The following ARHGAP24 variants were observed in gnomAD, a reference collection of about 807,000 sequenced individuals.
ARHGAP24 encodes rho GTPase-activating protein 24.
A neutral mutation model predicts 76.4 loss-of-function variants in ARHGAP24; 50 were observed. The observed-to-expected ratio is 0.65, with a 90% CI of 0.52 to 0.83. The LOEUF is 0.83. Ranked by LOEUF, ARHGAP24 falls within the 40% of genes least tolerant of loss-of-function variation. ARHGAP24 has a pLI of 0.00. For missense variants in ARHGAP24, 930 were observed against 914.2 expected (o/e 1.02, Z -0.22); for synonymous variants, 345 against 323.3 (o/e 1.07, Z -0.72).
intron 1 of ARHGAP24, among the ~76,000 whole-genome samples, chr4:85,476,291 T>C (rs1282544105): frequency 6.6e-6 from 1 of 152,072 alleles, no homozygotes. Context: ...TACTCTGAAT[T>C]CCTTAGATAG....
chr4:85,578,688 A>G (rs1464553623), intron 2 of ARHGAP24, among the ~76,000 whole-genome samples: 3 of 152,204 alleles, frequency 2.0e-5, no homozygotes, highest in Non-Finnish European at 4.4e-5. Context: ...TGTTTCTAGA[A>G]TGCTTACACA....
intron 3 of ARHGAP24, among the ~76,000 whole-genome samples, chr4:85,780,105 C>T (rs1288346845): frequency 2.6e-5 from 4 of 152,154 alleles, no homozygotes; most frequent in East Asian, 1.9e-4. Context: ...TGCAGTAATA[C>T]ATTGCATGGT....
intron 2 of ARHGAP24, among the ~76,000 whole-genome samples, chr4:85,644,004 A>G (rs1003342464): frequency 2.0e-5 from 3 of 152,146 alleles, no homozygotes; most frequent in African/African-American, 7.2e-5. Context: ...TTTTTGGTGA[A>G]GAGTTTAGTC....
At chr4:85,658,331 A>G (rs1722252764) in intron 2 of ARHGAP24, among the ~76,000 whole-genome samples, 1 of 152,160 alleles carries the variant, frequency 6.6e-6, no homozygotes, top group Admixed American at 6.5e-5. Flanking sequence ...GAAATTTATT[A>G]CTTTAGACCC....
chr4:85,553,704 T>A (rs1205884093), intron 1 of ARHGAP24, among the ~76,000 whole-genome samples: 1 of 152,208 alleles, frequency 6.6e-6, no homozygotes, highest in Admixed American at 6.5e-5. Context: ...GCTTCACCTC[T>A]CAATTGCATG....
chr4:85,745,918 A>C (rs2110063560), intron 3 of ARHGAP24, among the ~76,000 whole-genome samples: 1 of 152,302 alleles, frequency 6.6e-6, no homozygotes, highest in East Asian at 1.9e-4. Context: ...ATGATTCCAA[A>C]ACCCAGTGCC....
intron 8 of ARHGAP24, among the ~76,000 whole-genome samples, chr4:85,981,865 C>T (rs939806747): frequency 4.6e-5 from 7 of 152,056 alleles, no homozygotes; most frequent in African/African-American, 1.4e-4. Flanking sequence ...CACTTTTAGC[C>T]GCTCTTCTTA....
chr4:85,769,417 G>T (rs541879805), intron 3 of ARHGAP24, among the ~76,000 whole-genome samples: 1 of 152,122 alleles, frequency 6.6e-6, no homozygotes, highest in African/African-American at 2.4e-5. Flanking sequence ...CACATTTATT[G>T]TGTTGCTTGT....
At chr4:85,665,271 G>A (rs1194197868) in intron 2 of ARHGAP24, among the ~76,000 whole-genome samples, 2 of 151,902 alleles carry the variant, frequency 1.3e-5, no homozygotes, top group Admixed American at 1.3e-4. Flanking sequence ...TTATGTAATG[G>A]CCTTCTTTGT....
In ARHGAP24 at chr4:86,000,482, A is replaced by G; in HGVS notation, c.2007A>G (p.Leu669=). ...KIEYESRIKS[L]EQRNLTLETE... Reference sequence around the variant, plus strand: ...CCCCCCCCAACATCCTTTGTAGCTTAGAACAGCGAAACTTGACTTTGGAAA... The same window carrying G: ...CCCCCCCCAACATCCTTTGTAGCTTGGAACAGCGAAACTTGACTTTGGAAA... The change falls in exon 10 of 10, where the codon TTA becomes TTG. Residue 669 remains leucine (L), a synonymous_variant. Coordinates refer to ENST00000395184, the MANE Select transcript of ARHGAP24 (RefSeq NM_001025616.3). The G allele has an allele frequency of 3.1e-6, 4 of 1,310,326 alleles. No homozygotes were observed. Among genetic ancestry groups the G allele is most frequent in the Non-Finnish European group, 4.1e-6 (4 of 984,014 alleles). The allele number at this position is 1,310,326 out of a possible 1,614,324, so 81.2% of individuals were successfully genotyped here.
At chr4:85,941,478 A>G (rs1410977495) in intron 4 of ARHGAP24, among the ~76,000 whole-genome samples, 2 of 152,146 alleles carry the variant, frequency 1.3e-5, no homozygotes. Flanking sequence ...TCCATTTTTC[A>G]CTTTCAAATA....
chr4:85,904,446 C>T lies in ARHGAP24; in HGVS notation c.269-19202C>T, dbSNP rs184818612. ...TGGAACACTTCCCTCTCAGTCCCCA[C>T]CTCCAACATTGGGGATTGCAATTCA... On this transcript the variant is annotated intron_variant, in intron 3 of 9. Coordinates refer to ENST00000395184, the MANE Select transcript of ARHGAP24 (RefSeq NM_001025616.3). Among the ~76,000 whole-genome samples, 816 of 152,336 alleles carry T rather than the reference C, an allele frequency of 5.4e-3. 24 individuals are homozygous for T. The highest frequency in any genetic ancestry group is 0.048 in the Admixed American group (729 of 15,306).
chr4:85,985,667 G>A (rs1739940473), intron 8 of ARHGAP24, among the ~76,000 whole-genome samples: 1 of 152,166 alleles, frequency 6.6e-6, no homozygotes. Flanking sequence ...TGGTAGCTCT[G>A]GGGATTGGCT....
At chr4:85,863,823 G>T (rs1732037015) in intron 3 of ARHGAP24, among the ~76,000 whole-genome samples, 1 of 152,040 alleles carries the variant, frequency 6.6e-6, no homozygotes, top group Non-Finnish European at 1.5e-5. Context: ...GAGTTTAGGA[G>T]TGGAGGTTTA....
At chr4:85,688,452 T>C (rs998909557) in intron 2 of ARHGAP24, among the ~76,000 whole-genome samples, 9 of 152,188 alleles carry the variant, frequency 5.9e-5, no homozygotes, top group African/African-American at 2.2e-4. Flanking sequence ...TTGTTTAAGT[T>C]CCTTATAAAT....
chr4:85,807,688 C>A (rs1396369475), intron 3 of ARHGAP24, among the ~76,000 whole-genome samples: 1 of 152,112 alleles, frequency 6.6e-6, no homozygotes, highest in African/African-American at 2.4e-5. Context: ...TGCCTCTGTG[C>A]CAAGACCACT....
At chr4:85,701,526 T>G (rs955202872) in intron 2 of ARHGAP24, among the ~76,000 whole-genome samples, 1 of 152,202 alleles carries the variant, frequency 6.6e-6, no homozygotes, top group Non-Finnish European at 1.5e-5. Flanking sequence ...CTGTACCGTA[T>G]GCATCTTAAG....
chr4:85,783,848 AC>A (rs1727675693), intron 3 of ARHGAP24, among the ~76,000 whole-genome samples: 1 of 152,190 alleles, frequency 6.6e-6, no homozygotes, highest in Non-Finnish European at 1.5e-5. Context: ...GAACTTTTAA[AC>A]AAAATATTTA....
chr4:85,863,370 C>T (rs1002764683), intron 3 of ARHGAP24, among the ~76,000 whole-genome samples: 2 of 152,056 alleles, frequency 1.3e-5, no homozygotes, highest in Non-Finnish European at 2.9e-5. Context: ...ATAGCACTTA[C>T]CACAATCCCT....
Sources: gnomAD v4.1 joint callset for allele counts (sites outside exome capture counted in the v4.1 genomes callset) on GRCh38, gnomAD v4.1.1 for gene constraint, MANE v1.5 for transcripts, NCBI Gene and HGNC (gene_info 2026-07-23, HGNC 2026-07-21) for gene names.